Variants in TNS3 observed in about 807,000 individuals in gnomAD.
TNS3 encodes the protein tensin 3, also known as tensin-3.
TNS3 carries 45 observed loss-of-function variants against 140.9 expected under a neutral mutation model. The observed-to-expected ratio is 0.32, with a 90% CI of 0.25 to 0.41. TNS3 has a LOEUF of 0.41. TNS3 is among the 10% of genes least tolerant of loss of function. TNS3 has a pLI of 1.00. For missense variants in TNS3, 1,716 were observed against 1,906.7 expected, an observed-to-expected ratio of 0.90 and a Z score of 1.86; for synonymous variants, 815 against 788.4, an observed-to-expected ratio of 1.03 and a Z score of -0.56.
At chr7:47,409,555 C>G (rs1007016107) in intron 13 of TNS3, among the ~76,000 whole-genome samples, 1 of 152,200 alleles carries the variant, frequency 6.6e-6, no homozygotes, top group African/African-American at 2.4e-5. Flanking sequence ...AGGGAGCACC[C>G]GCCCTTGAGA....
intron 20 of TNS3, among the ~76,000 whole-genome samples, chr7:47,336,146 A>G (rs921283291): frequency 3.3e-5 from 5 of 151,506 alleles, no homozygotes; most frequent in Non-Finnish European, 7.4e-5. Flanking sequence ...TGGTCACTTC[A>G]GCCTCTATTC....
At chr7:47,396,947 A>G in intron 15 of TNS3, 43 bp from the exon 16 acceptor site, 3 of 1,454,462 alleles carry the variant, frequency 2.1e-6, no homozygotes, top group Non-Finnish European at 2.9e-6. Flanking sequence ...AGTGAAACCC[A>G]TCACCTCCAT....
chr7:47,388,941 A>C (rs1584540257), intron 16 of TNS3, among the ~76,000 whole-genome samples: 2 of 149,110 alleles, frequency 1.3e-5, no homozygotes, highest in African/African-American at 4.9e-5. Flanking sequence ...GAGAAGAAGA[A>C]GGAGAAGCAG....
At chr7:47,437,051 T>C (rs1411172895) in intron 7 of TNS3, among the ~76,000 whole-genome samples, 1 of 152,202 alleles carries the variant, frequency 6.6e-6, no homozygotes. Context: ...GGGTGAGAAG[T>C]ACAGGAGATC....
chr7:47,285,199 T>C (rs1584311881), intron 27 of TNS3, among the ~76,000 whole-genome samples: 2 of 152,174 alleles, frequency 1.3e-5, no homozygotes, highest in Non-Finnish European at 2.9e-5. Flanking sequence ...TGCTGGACCA[T>C]CCTTTCTATC....
At chr7:47,459,227 G>C (rs929752094) in intron 4 of TNS3, among the ~76,000 whole-genome samples, 1 of 152,122 alleles carries the variant, frequency 6.6e-6, no homozygotes, top group Admixed American at 6.6e-5. Flanking sequence ...GCTGCCTCGG[G>C]ATAAACACCC....
chr7:47,480,813 G>T (rs1334818402), intron 4 of TNS3, among the ~76,000 whole-genome samples: 1 of 152,200 alleles, frequency 6.6e-6, no homozygotes, highest in Non-Finnish European at 1.5e-5. Context: ...TCACTTTATA[G>T]CCAAGGAAAC....
At chr7:47,321,543 AGT>A (rs1361476154) in intron 20 of TNS3, among the ~76,000 whole-genome samples, 1 of 152,214 alleles carries the variant, frequency 6.6e-6, no homozygotes, top group East Asian at 1.9e-4. Flanking sequence ...CAATATAACA[AGT>A]GATGTTCCAA....
At chr7:47,468,253 C>T (rs1266435287) in intron 4 of TNS3, among the ~76,000 whole-genome samples, 2 of 152,042 alleles carry the variant, frequency 1.3e-5, no homozygotes, top group Non-Finnish European at 2.9e-5. Flanking sequence ...CCAGCCTGGC[C>T]AACATGATGA....
At chr7:47,469,349 G>T (rs1198622383) in intron 4 of TNS3, among the ~76,000 whole-genome samples, 4 of 152,134 alleles carry the variant, frequency 2.6e-5, no homozygotes, top group Non-Finnish European at 1.5e-5. Flanking sequence ...TCCAACAAAG[G>T]CTGAATATCT....
intron 4 of TNS3, among the ~76,000 whole-genome samples, chr7:47,450,819 C>A (rs577580203): frequency 5.3e-5 from 8 of 152,214 alleles, no homozygotes; most frequent in Non-Finnish European, 1.0e-4. Flanking sequence ...CTTGTCCTCA[C>A]TGGCTTTTGG....
chr7:47,409,295 T>A (rs374561417), intron 13 of TNS3, among the ~76,000 whole-genome samples: 10 of 149,604 alleles, frequency 6.7e-5, no homozygotes, highest in African/African-American at 2.5e-4. Context: ...AGGAAGACCC[T>A]GCAGCTACCA....
chr7:47,541,428 C>G (rs59839783), intron 1 of TNS3, among the ~76,000 whole-genome samples: 15,215 of 152,084 alleles, frequency 0.1, 2,549 homozygotes, highest in African/African-American at 0.35. Flanking sequence ...GGCTCCAATA[C>G]CAACAGTCAC....
At chr7:47,387,584 C>T (rs1792150310) in intron 16 of TNS3, among the ~76,000 whole-genome samples, 2 of 152,338 alleles carry the variant, frequency 1.3e-5, no homozygotes, top group Non-Finnish European at 2.9e-5. Flanking sequence ...CCCAGCTGCA[C>T]CTTTTGTATG....
intron 6 of TNS3, among the ~76,000 whole-genome samples, chr7:47,438,737 C>A (rs1795315004): frequency 6.6e-6 from 1 of 152,164 alleles, no homozygotes; most frequent in Admixed American, 6.5e-5. Context: ...GTGCCCCAGT[C>A]ATTGGAGCAG....
intron 16 of TNS3, among the ~76,000 whole-genome samples, chr7:47,384,224 C>A (rs1434249158): frequency 6.6e-6 from 1 of 152,262 alleles, no homozygotes. Context: ...CCTCCCCACC[C>A]ACATGGGCAG....
intron 1 of TNS3, among the ~76,000 whole-genome samples, chr7:47,569,322 C>T (rs914376351): frequency 6.6e-6 from 1 of 152,126 alleles, no homozygotes; most frequent in Admixed American, 6.5e-5. Context: ...GAGGGTGGAT[C>T]ACCTGGGGTC....
chr7:47,330,943 C>T (rs1788305649), intron 20 of TNS3, among the ~76,000 whole-genome samples: 1 of 152,200 alleles, frequency 6.6e-6, no homozygotes, highest in African/African-American at 2.4e-5. Flanking sequence ...TCACCTCCCA[C>T]ATCTCTGTCC....
intron 16 of TNS3, among the ~76,000 whole-genome samples, chr7:47,387,235 A>G (rs905338273): frequency 2.4e-4 from 37 of 152,336 alleles, no homozygotes; most frequent in African/African-American, 7.0e-4. Context: ...AAACAGAAAA[A>G]GATCAAGGTG....
Sources: gnomAD v4.1 joint callset for allele counts (sites outside exome capture counted in the v4.1 genomes callset) on GRCh38, gnomAD v4.1.1 for gene constraint, MANE v1.5 for transcripts, NCBI Gene and HGNC (gene_info 2026-07-23, HGNC 2026-07-21) for gene names.